H2AZ2: variants seen among roughly 807,000 people sequenced by gnomAD.
H2AZ2 encodes H2A.Z variant histone 2.
H2AZ2 carries 5 observed loss-of-function variants against 15.5 expected under a neutral mutation model. The ratio of observed to expected loss-of-function variants is 0.32; its 90% CI spans 0.17 to 0.68. The LOEUF (loss-of-function observed/expected upper bound fraction) is 0.68, where lower values mean the gene tolerates loss of function less well. Among genes scored for constraint, H2AZ2 ranks in the 30% least tolerant of loss-of-function variants. The pLI is 0.72. For synonymous variants in H2AZ2, 44 were observed against 57.4 expected (o/e 0.77, Z 1.05); for missense variants, 42 against 162.5 (o/e 0.26, Z 4.03).
downstream of H2AZ2, chr7:44,829,925 A>G (rs541113909): frequency 1.1e-4 from 51 of 469,762 alleles, no homozygotes; most frequent in Admixed American, 1.9e-3. Context: ...AAAATTACTC[A>G]TGCAAGGAAA....
intron 2 of H2AZ2, among the ~76,000 whole-genome samples, chr7:44,841,887 A>G (rs1038403315): frequency 2.0e-5 from 3 of 152,166 alleles, no homozygotes; most frequent in African/African-American, 7.2e-5. Context: ...AAAACTTCAC[A>G]ATCTATGAAA....
chr7:44,839,906 G>A (rs914403239), intron 3 of H2AZ2, among the ~76,000 whole-genome samples: 3 of 151,516 alleles, frequency 2.0e-5, no homozygotes, highest in Non-Finnish European at 4.4e-5. Flanking sequence ...GGGAGGCTGA[G>A]GCAGGAGAAT....
chr7:44,840,450 A>G (rs1423986090), intron 3 of H2AZ2, among the ~76,000 whole-genome samples: 3 of 152,122 alleles, frequency 2.0e-5, no homozygotes, highest in Non-Finnish European at 4.4e-5. Flanking sequence ...GTAATAGCTG[A>G]CAAGATGCAT....
chr7:44,843,612 G>A (rs1049009195), intron 1 of H2AZ2, among the ~76,000 whole-genome samples: 3 of 152,106 alleles, frequency 2.0e-5, no homozygotes, highest in Non-Finnish European at 4.4e-5. Flanking sequence ...AGGCTGGAGT[G>A]CAGTGGTGCG....
chr7:44,837,154 G>T (rs1401797618), intron 3 of H2AZ2, among the ~76,000 whole-genome samples: 1 of 151,906 alleles, frequency 6.6e-6, no homozygotes, highest in African/African-American at 2.4e-5. Context: ...TGCCCGCCTT[G>T]GCCTCCCAAA....
At chr7:44,841,516 ATTTT>A (rs1373803174) in intron 2 of H2AZ2, among the ~76,000 whole-genome samples, 1 of 151,694 alleles carries the variant, frequency 6.6e-6, no homozygotes, top group Non-Finnish European at 1.5e-5. Flanking sequence ...GCCCTTTATT[ATTTT>A]TTTTATTGAG....
At chr7:44,847,096 G>A (rs970126784) in intron 1 of H2AZ2, among the ~76,000 whole-genome samples, 3 of 152,150 alleles carry the variant, frequency 2.0e-5, no homozygotes, top group African/African-American at 4.8e-5. Flanking sequence ...GGTAGCTCCC[G>A]TTGAAGTAAC....
At chr7:44,844,464 C>T (rs1265771211) in intron 1 of H2AZ2, among the ~76,000 whole-genome samples, 1 of 152,162 alleles carries the variant, frequency 6.6e-6, no homozygotes, top group African/African-American at 2.4e-5. Context: ...AGTGATTCTC[C>T]TGCCTCAGCC....
At position 44,847,982 on chromosome 7, in the gene H2AZ2, C is replaced by A. The variant is rs1793458123; in HGVS notation, c.-11G>T. 5 of 1,443,968 alleles carry A rather than the reference C, an allele frequency of 3.5e-6. No individual in the cohort carries two copies. Among genetic ancestry groups the A allele is most frequent in the Non-Finnish European group, 3.6e-6 (4 of 1,100,614 alleles). The allele number at this position is 1,443,968 out of a possible 1,614,324, so 89.4% of individuals were successfully genotyped here. On this transcript the variant is annotated 5_prime_UTR_variant, in exon 1 of 5. Coordinates refer to ENST00000308153, the MANE Select transcript of H2AZ2 (RefSeq NM_012412.5). ...GGCCGCCCTTACCATGTTCTCGGCGCCGACTCCGCCTCCGCTCGGCCGCGC... is the reference window on the plus strand; with the variant it reads ...GGCCGCCCTTACCATGTTCTCGGCGACGACTCCGCCTCCGCTCGGCCGCGC...
intron 1 of H2AZ2, among the ~76,000 whole-genome samples, chr7:44,845,524 C>T (rs976087758): frequency 3.9e-5 from 6 of 152,112 alleles, no homozygotes; most frequent in Non-Finnish European, 8.8e-5. Flanking sequence ...TCTCAACTGG[C>T]ATCTAAAATT....
intron 1 of H2AZ2, 128 bp from the exon 2 acceptor site, chr7:44,843,482 AT>A: frequency 1.6e-6 from 1 of 612,048 alleles, no homozygotes; most frequent in Non-Finnish European, 2.9e-6. Context: ...CCCCTTCCTC[AT>A]TTGTAAATAT....
Position 44,833,393 on chromosome 7 carries a change from C to T in H2AZ2, c.*1108G>A, listed in dbSNP as rs184464793. Among the ~76,000 whole-genome samples, 301 of 152,014 alleles carry T rather than the reference C, an allele frequency of 2.0e-3. 2 individuals are homozygous for T. The highest frequency in any genetic ancestry group is 7.0e-3 in the African/African-American group (288 of 41,338). On this transcript the variant is annotated 3_prime_UTR_variant, in exon 5 of 5. Transcript: ENST00000308153. The stretch of plus-strand genomic sequence containing the variant: ...GACTACAGGCGCGTGCCACCACACC[C>T]GGCTAATTTTTTGTATTTTTTTAAA...
In H2AZ2 at chr7:44,843,360, T is replaced by G. The variant is rs554408192; in HGVS notation, c.4-6A>C. On this transcript the variant is annotated splice_polypyrimidine_tract_variant and splice_region_variant and intron_variant, in intron 1 of 4. Transcript: ENST00000308153. ...TTTCCAGCTTTGCCTCCAGCCTAAATGCAAAAAAAAATTTTTTTGAATGAA... is the reference window on the plus strand; with the variant it reads ...TTTCCAGCTTTGCCTCCAGCCTAAAGGCAAAAAAAAATTTTTTTGAATGAA... 2.5e-6 allele frequency: 4 copies of G among 1,604,362 alleles called. No individual in the cohort carries two copies. In the African/African-American group the frequency reaches 5.4e-5, roughly 22 times the overall value.
At position 44,832,011 on chromosome 7, in the gene H2AZ2, G is replaced by A. The variant is rs1479447785; in HGVS notation, c.*2490C>T. On this transcript the variant is annotated 3_prime_UTR_variant, in exon 5 of 5. Transcript: ENST00000308153. ...ATCTGTCAGTTTATAGAACATATAG[G>A]GGACAGAAAAGGTGTACATGATCCC... is the stretch of plus-strand genomic sequence containing the variant. Among the ~76,000 whole-genome samples the A allele has an allele frequency of 1.3e-5, 2 of 152,006 alleles. No individual in the cohort carries two copies. Among genetic ancestry groups the A allele is most frequent in the South Asian group, 2.1e-4 (1 of 4,826 alleles).
rs566422161 is a variant in H2AZ2 at position 44,835,718 on chromosome 7, C to A, written c.196-60G>T. On this transcript the variant is annotated intron_variant, in intron 3 of 4. Transcript: ENST00000308153. ...GGACCTAGGATCCCAAATGAAGGAT[C>A]ACTTAGCATTTGTACATACAAAATG... 107 of 1,466,256 alleles carry A rather than the reference C, an allele frequency of 7.3e-5. No homozygotes were observed. The South Asian group carries it at 1.2e-3, about 16-fold the overall frequency. 90.8% of individuals were successfully genotyped at this position (1,466,256 alleles called of 1,614,324 possible). A position where few individuals can be genotyped will look rare whatever the true frequency, so the allele number is the denominator to read the frequency against.
chr7:44,831,512 CTGT>C (rs980261020), downstream of H2AZ2, among the ~76,000 whole-genome samples: 1 of 151,504 alleles, frequency 6.6e-6, no homozygotes. Flanking sequence ...AAAGGAAAGT[CTGT>C]TGATTATATT....
intron 2 of H2AZ2, among the ~76,000 whole-genome samples, chr7:44,842,733 G>C (rs974485928): frequency 6.6e-6 from 1 of 152,162 alleles, no homozygotes; most frequent in Non-Finnish European, 1.5e-5. Flanking sequence ...ATCAGTTTAA[G>C]TTCCCATCCC....
Position 44,833,532 on chromosome 7 carries a change from G to A in H2AZ2, c.*969C>T, listed in dbSNP as rs754751715. ...TTACAGGCGTGAGCCACCGCGCCTG[G>A]CCGAGACGGCGTTTTACCATGTTGG... On this transcript the variant is annotated 3_prime_UTR_variant, in exon 5 of 5. Transcript: ENST00000308153. 2.1e-5 allele frequency: 5 copies of A among 237,456 alleles called. No individual in the cohort carries two copies. The highest frequency in any genetic ancestry group is 2.7e-5 in the Non-Finnish European group (4 of 146,268). The allele number at this position is 237,456 out of a possible 1,614,324, so 14.7% of individuals were successfully genotyped here.
At position 44,832,784 on chromosome 7, in the gene H2AZ2, T is replaced by C. The variant is rs1219030314; in HGVS notation, c.*1717A>G. 6.6e-6 allele frequency among the ~76,000 whole-genome samples: 1 copy of C among 151,882 alleles called. No individual in the cohort carries two copies. Among genetic ancestry groups the C allele is most frequent in the African/African-American group, 2.4e-5 (1 of 41,360 alleles). On this transcript the variant is annotated 3_prime_UTR_variant, in exon 5 of 5. Coordinates refer to ENST00000308153, the MANE Select transcript of H2AZ2 (RefSeq NM_012412.5). ...GCAACATAGGGAGACCTCTGTCTCT[T>C]ACATAAATAAAAAAAATTAGCCAGG...
Sources: allele counts gnomAD v4.1 joint callset (sites outside exome capture counted in the v4.1 genomes callset), GRCh38; gene constraint gnomAD v4.1.1; transcripts MANE v1.5; gene names NCBI Gene and HGNC (gene_info 2026-07-23, HGNC 2026-07-21).